Variants in MXRA7 observed in about 807,000 individuals in gnomAD.
MXRA7 encodes the protein matrix-remodeling-associated protein 7.
In MXRA7, 18 loss-of-function variants were observed where a neutral mutation model predicts 17.4. That is an observed-to-expected ratio of 1.03 (90% CI 0.71 to 1.53). MXRA7 has a LOEUF of 1.53. Among genes scored for constraint, MXRA7 ranks in the 40% most tolerant of loss-of-function variants. The pLI, the probability that MXRA7 is intolerant of heterozygous loss-of-function variation, is 0.00. For synonymous variants in MXRA7, 70 were observed against 101.7 expected (o/e 0.69, Z 1.87); for missense variants, 141 against 209.3 (o/e 0.67, Z 2.01).
chr17:76,693,025 C>A (rs1489329723), intron 1 of MXRA7, among the ~76,000 whole-genome samples: 1 of 151,954 alleles, frequency 6.6e-6, no homozygotes, highest in African/African-American at 2.4e-5. Flanking sequence ...ATGAAAAAAT[C>A]TAGCACTTGA....
At chr17:76,687,961 C>T (rs1458587858) in intron 2 of MXRA7, 152 bp downstream of exon 2, 3 of 784,256 alleles carry the variant, frequency 3.8e-6, no homozygotes, top group Middle Eastern at 3.7e-4. Flanking sequence ...ACATCCATGG[C>T]GCCAGACTCT....
intron 2 of MXRA7, among the ~76,000 whole-genome samples, chr17:76,687,021 T>C (rs76367506): frequency 0.016 from 2,362 of 152,294 alleles, 59 homozygotes; most frequent in African/African-American, 0.054. Flanking sequence ...CTCCTTGTCC[T>C]TGCCAAAGGG....
At chr17:76,688,506 C>A in intron 1 of MXRA7, 1 of 1,315,110 alleles carries the variant, frequency 7.6e-7, no homozygotes. Flanking sequence ...CACTGCGACG[C>A]TGCGGCCAGC....
At chr17:76,677,455 A>G (rs1294732348), downstream of MXRA7, 4 of 629,388 alleles carry the variant, frequency 6.4e-6, no homozygotes, top group Non-Finnish European at 1.1e-5. Context: ...CTCGGCAAGT[A>G]CCTATAGAAT....
chr17:76,682,915 T>C (rs948201607), intron 3 of MXRA7, among the ~76,000 whole-genome samples: 2 of 152,062 alleles, frequency 1.3e-5, no homozygotes, highest in Admixed American at 1.3e-4. Context: ...CAAGTGTGGG[T>C]TGGTGGTCTA....
At chr17:76,693,396 C>T (rs769748236) in intron 1 of MXRA7, among the ~76,000 whole-genome samples, 1 of 141,300 alleles carries the variant, frequency 7.1e-6, no homozygotes, top group South Asian at 2.2e-4. Flanking sequence ...CCCTGGGAGG[C>T]GGAAGTTGCA....
chr17:76,699,643 T>C (rs2076570867), intron 1 of MXRA7, among the ~76,000 whole-genome samples: 2 of 152,198 alleles, frequency 1.3e-5, no homozygotes, highest in Admixed American at 1.3e-4. Context: ...AGGGTGCCAC[T>C]GGGTAGGGGT....
chr17:76,699,934 G>A (rs887835615), intron 1 of MXRA7, among the ~76,000 whole-genome samples: 18 of 152,140 alleles, frequency 1.2e-4, no homozygotes, highest in African/African-American at 4.3e-4. Context: ...AGGCAAGAAG[G>A]GATCCAGTGT....
At chr17:76,699,431 C>A (rs866141041) in intron 1 of MXRA7, among the ~76,000 whole-genome samples, 17 of 152,140 alleles carry the variant, frequency 1.1e-4, no homozygotes, top group African/African-American at 3.6e-4. Flanking sequence ...CAGGCAGAAG[C>A]CACCACACCC....
Position 76,688,235 on chromosome 17 carries a change from G to C in MXRA7, c.343-59C>G, listed in dbSNP as rs912929612. ...ACAGACTGGGTGATGGGAAGTGGTG[G>C]GGGGGCAGAAGGTAGGGGAGACAGA... On this transcript the variant is annotated intron_variant, in intron 1 of 3. Coordinates refer to ENST00000449428, the MANE Select transcript of MXRA7 (RefSeq NM_198530.4). 3.1e-6 allele frequency: 5 copies of C among 1,608,770 alleles called. No homozygotes were observed. The African/African-American group carries it at 6.7e-5, about 21-fold the overall frequency.
intron 1 of MXRA7, among the ~76,000 whole-genome samples, chr17:76,702,873 G>GTATATA (rs776480689): frequency 1.4e-5 from 2 of 141,886 alleles, no homozygotes; most frequent in South Asian, 4.9e-4. Flanking sequence ...ATATATATAC[G>GTATATA]TATATATATA....
In MXRA7 at chr17:76,680,681, G is replaced by T; in HGVS notation, c.*186C>A. 1 of 1,439,152 alleles carries T rather than the reference G, an allele frequency of 6.9e-7. No individual in the cohort carries two copies. The highest frequency in any genetic ancestry group is 9.1e-7 in the Non-Finnish European group (1 of 1,095,024). The allele number at this position is 1,439,152 out of a possible 1,614,324, so 89.1% of individuals were successfully genotyped here. A position where few individuals can be genotyped will look rare whatever the true frequency, so the allele number is the denominator to read the frequency against. On this transcript the variant is annotated 3_prime_UTR_variant, in exon 4 of 4. Transcript: ENST00000449428. ...ATCTCTACACAGGGCAGGGCCAAAG[G>T]TGTTCCCAGGATCCTGCTAGCCAAG...
At chr17:76,703,275 G>A (rs1265083261) in intron 1 of MXRA7, among the ~76,000 whole-genome samples, 1 of 152,078 alleles carries the variant, frequency 6.6e-6, no homozygotes, top group East Asian at 1.9e-4. Flanking sequence ...ATAAATGTGC[G>A]CAAGGAGTTC....
chr17:76,684,781 T>C, intron 3 of MXRA7: 4 of 161,538 alleles, frequency 2.5e-5, no homozygotes, highest in Non-Finnish European at 4.0e-5. Context: ...ATGGGGGCAG[T>C]GGGGTGTGGA....
downstream of MXRA7, chr17:76,675,734 A>G (rs1227364722): frequency 6.6e-6 from 1 of 152,212 alleles, no homozygotes; most frequent in African/African-American, 2.4e-5. Context: ...AAAGAAAGAA[A>G]AACACTCGTA....
chr17:76,688,542 G>C, intron 1 of MXRA7: 1 of 1,275,070 alleles, frequency 7.8e-7, no homozygotes, highest in Non-Finnish European at 9.9e-7. Context: ...GAGGAAAGCT[G>C]GCTGGGGTGT....
At position 76,686,728 on chromosome 17, in the gene MXRA7, T is replaced by A. The variant is rs7208272; in HGVS notation, c.406+1385A>T. 7.9e-3 allele frequency among the ~76,000 whole-genome samples: 1,208 copies of A among 152,254 alleles called. 23 individuals are homozygous for A. Among genetic ancestry groups the A allele is most frequent in the African/African-American group, 0.028 (1,149 of 41,526 alleles). On this transcript the variant is annotated intron_variant, in intron 2 of 3. Transcript: ENST00000449428. ...TCCTCCAGTCTCCTGTGAATTCACC[T>A]AGTCGCTCAGGGAAGTCATTTTAGC...
At chr17:76,709,801 T>C in intron 1 of MXRA7, 1 of 152,656 alleles carries the variant, frequency 6.6e-6, no homozygotes. Flanking sequence ...GAAATCCGAC[T>C]CCTCTCAGAT....
At chr17:76,685,344 TACA>T (rs996826020) in intron 2 of MXRA7, among the ~76,000 whole-genome samples, 179 bp from the exon 3 acceptor site, 38 of 152,192 alleles carry the variant, frequency 2.5e-4, no homozygotes, top group African/African-American at 7.5e-4. Flanking sequence ...CCTTAAATCC[TACA>T]ACGAGACAGC....
Sources: allele counts gnomAD v4.1 joint callset (sites outside exome capture counted in the v4.1 genomes callset), GRCh38; gene constraint gnomAD v4.1.1; transcripts MANE v1.5; gene names NCBI Gene and HGNC (gene_info 2026-07-23, HGNC 2026-07-21).